IL7R: variants seen among roughly 807,000 people sequenced by gnomAD.
IL7R encodes interleukin 7 receptor, also known as interleukin-7 receptor subunit alpha.
In IL7R, 38 loss-of-function variants were observed where a neutral mutation model predicts 47.0. That is an observed-to-expected ratio of 0.81 (90% CI 0.62 to 1.06). IL7R has a LOEUF of 1.06. IL7R is among the 50% of genes least tolerant of loss of function. The pLI is 0.00. For missense variants in IL7R, 633 were observed against 534.8 expected (o/e 1.18, Z -1.81); for synonymous variants, 221 against 199.8 (o/e 1.11, Z -0.89).
intron 5 of IL7R, 29 bp downstream of exon 5, chr5:35,873,677 C>T: frequency 6.2e-7 from 1 of 1,604,476 alleles, no homozygotes; most frequent in Non-Finnish European, 8.5e-7. Flanking sequence ...GTTTTTGTTC[C>T]CTCAGAGTGC....
chr5:35,868,703 G>A (rs557484673), intron 3 of IL7R, among the ~76,000 whole-genome samples: 2 of 152,330 alleles, frequency 1.3e-5, no homozygotes, highest in East Asian at 3.9e-4. Flanking sequence ...TTCTCTGAGA[G>A]TGAGCAGAGA....
chr5:35,860,630 C>A (rs1375110950), intron 1 of IL7R, among the ~76,000 whole-genome samples: 1 of 151,850 alleles, frequency 6.6e-6, no homozygotes, highest in Non-Finnish European at 1.5e-5. Flanking sequence ...TATTGGAAAA[C>A]TCTGTTAGCA....
At chr5:35,874,631 A>G in intron 6 of IL7R, 89 bp downstream of exon 6, 1 of 964,448 alleles carries the variant, frequency 1.0e-6, no homozygotes, top group Non-Finnish European at 1.7e-6. Flanking sequence ...GAAAACCACA[A>G]AGGGGATTAA....
At chr5:35,875,004 A>G (rs1416734408) in intron 6 of IL7R, among the ~76,000 whole-genome samples, 1 of 151,760 alleles carries the variant, frequency 6.6e-6, no homozygotes, top group Non-Finnish European at 1.5e-5. Context: ...AGAAGGCTAC[A>G]TATCCCCAGG....
intron 2 of IL7R, among the ~76,000 whole-genome samples, chr5:35,866,434 A>C (rs1759941068): frequency 6.6e-6 from 1 of 152,156 alleles, no homozygotes; most frequent in Non-Finnish European, 1.5e-5. Flanking sequence ...GAGAAGGGTC[A>C]TTCCTCTTCC....
Position 35,877,551 on chromosome 5 carries a change from A to T in IL7R, c.*1065A>T. ...GAGGAAACTGTCGCTGACCCTGGAC[A>T]TGGGTACGTTTGACGAGTGAGAGGA... On this transcript the variant is annotated 3_prime_UTR_variant, in exon 8 of 8. Coordinates refer to ENST00000303115, the MANE Select transcript of IL7R (RefSeq NM_002185.5). 1 of 233,224 alleles carries T rather than the reference A, an allele frequency of 4.3e-6. No homozygotes were observed. Among genetic ancestry groups the T allele is most frequent in the Non-Finnish European group, 8.5e-6 (1 of 118,016 alleles). The allele number at this position is 233,224 out of a possible 1,614,324, so 14.4% of individuals were successfully genotyped here.
At chr5:35,869,924 C>T (rs921134628) in intron 3 of IL7R, among the ~76,000 whole-genome samples, 1 of 152,144 alleles carries the variant, frequency 6.6e-6, no homozygotes, top group Non-Finnish European at 1.5e-5. Flanking sequence ...GCAGCAGAAA[C>T]AGGCAGTCAC....
rs1759969389 is a variant in IL7R, at chr5:35,867,463, G to A, written c.379G>A (p.Val127Ile). Reference sequence around the variant, plus strand: ...CAAAAAAATAGACCTAACCACTATAGGTAAGAAGTTGTATATAAAAGTATG... The same window carrying A: ...CAAAAAAATAGACCTAACCACTATAAGTAAGAAGTTGTATATAAAAGTATG... ...TCKKIDLTTI[V>I]KPEAPFDLSV... Residue 127 changes from valine (V) to isoleucine (I), a missense_variant and splice_region_variant, in exon 3 of 8, where the codon GTT becomes ATT. Physicochemically the swap from Val to Ile is conservative, Grantham distance 29 (BLOSUM62 3). Transcript: ENST00000303115. The A allele has an allele frequency of 1.9e-6, 3 of 1,611,540 alleles. No homozygotes were observed. The highest frequency in any genetic ancestry group is 2.2e-5 in the East Asian group (1 of 44,860).
At chr5:35,870,321 A>G (rs1760037720) in intron 3 of IL7R, among the ~76,000 whole-genome samples, 1 of 152,240 alleles carries the variant, frequency 6.6e-6, no homozygotes. Flanking sequence ...CAGTAGGGAG[A>G]GGCCCAAGAG....
At chr5:35,871,496 A>T (rs999829479) in intron 4 of IL7R, among the ~76,000 whole-genome samples, 5 of 152,164 alleles carry the variant, frequency 3.3e-5, no homozygotes, top group Non-Finnish European at 7.4e-5. Context: ...AATCCTCTGT[A>T]TTCAGGGGCC....
Position 35,867,367 on chromosome 5 carries a change from GA to G in IL7R, c.284del (p.Glu95GlyfsTer7). 6.2e-7 allele frequency: 1 copy of G among 1,613,436 alleles called. No homozygotes were observed. Among genetic ancestry groups the G allele is most frequent in the Non-Finnish European group, 8.5e-7 (1 of 1,179,492 alleles). Reference sequence around the variant, plus strand: ...GAAACTACAAGAGATATATTTCATCGAGACAAAGAAATTCTTACTGATTGGA... The same window carrying G: ...GAAACTACAAGAGATATATTTCATCGGACAAAGAAATTCTTACTGATTGGA... ...FRKLQEIYFI[E>X]TKKFLLIGKS... On this transcript the variant is annotated frameshift_variant, in exon 3 of 8. Coordinates refer to ENST00000303115, the MANE Select transcript of IL7R (RefSeq NM_002185.5). LOFTEE classifies it high-confidence loss of function.
Position 35,877,055 on chromosome 5 carries a change from G to A in IL7R, c.*569G>A. 4.2e-6 allele frequency: 1 copy of A among 236,810 alleles called. No individual in the cohort carries two copies. Among genetic ancestry groups the A allele is most frequent in the Non-Finnish European group, 8.3e-6 (1 of 120,444 alleles). 14.7% of individuals were successfully genotyped at this position (236,810 alleles called of 1,614,324 possible). ...TGAAGGGAGGGGCCAAGATATGATGGCTGGGAGTCTAATTGCAGTTCCCTG... is the reference window on the plus strand; with the variant it reads ...TGAAGGGAGGGGCCAAGATATGATGACTGGGAGTCTAATTGCAGTTCCCTG... On this transcript the variant is annotated 3_prime_UTR_variant, in exon 8 of 8. Transcript: ENST00000303115.
chr5:35,871,357 C>T, intron 4 of IL7R, 144 bp downstream of exon 4: 2 of 660,602 alleles, frequency 3.0e-6, no homozygotes, highest in South Asian at 3.6e-5. Context: ...CAATATTGGC[C>T]CCATGAAAAC....
At chr5:35,866,305 T>C (rs1759937852) in intron 2 of IL7R, among the ~76,000 whole-genome samples, 1 of 152,170 alleles carries the variant, frequency 6.6e-6, no homozygotes, top group South Asian at 2.1e-4. Context: ...AGTGTGTTAG[T>C]ATTTTCTTGT....
At position 35,876,087 on chromosome 5, in the gene IL7R, G is replaced by A. The variant is rs200211847; in HGVS notation, c.981G>A (p.Thr327=). ...RDEVEGFLQD[T]FPQQLEESEK... is the part of the protein sequence containing the mutation. ...AAGTGGAAGGTTTTCTGCAAGATAC[G>A]TTTCCTCAGCAACTAGAAGAATCTG... is the stretch of plus-strand genomic sequence containing the variant. The change falls in exon 8 of 8, where the codon ACG becomes ACA. Residue 327 remains threonine, a synonymous_variant. Coordinates refer to ENST00000303115, the MANE Select transcript of IL7R (RefSeq NM_002185.5). The A allele has an allele frequency of 9.3e-6, 15 of 1,614,184 alleles. No homozygotes were observed. The highest frequency in any genetic ancestry group is 4.4e-5 in the South Asian group (4 of 91,076).
rs767845824 is a variant in IL7R, at chr5:35,875,426, G to A, written c.801-86G>A. 8.2e-5 allele frequency: 79 copies of A among 958,628 alleles called. No individual in the cohort carries two copies. The African/African-American group carries it at 1.2e-3, about 14-fold the overall frequency. 59.4% of individuals were successfully genotyped at this position (958,628 alleles called of 1,614,324 possible). ...GCCAAGACTAGAAATCTGTTCTTCT[G>A]ATTCCAAGCTCAGAATAAGTGGGAA... On this transcript the variant is annotated intron_variant, in intron 6 of 7. Transcript: ENST00000303115.
intron 1 of IL7R, among the ~76,000 whole-genome samples, chr5:35,858,883 G>A (rs1759728566): frequency 6.6e-6 from 1 of 152,154 alleles, no homozygotes; most frequent in Non-Finnish European, 1.5e-5. Flanking sequence ...GAGGACCACA[G>A]GTAGAGTATC....
intron 2 of IL7R, 66 bp from the exon 3 acceptor site, chr5:35,867,240 A>G: frequency 1.4e-6 from 2 of 1,400,384 alleles, no homozygotes; most frequent in South Asian, 2.3e-5. Flanking sequence ...TGTGCATATG[A>G]TACTATTCCA....
At chr5:35,866,497 T>C (rs2149898631) in intron 2 of IL7R, among the ~76,000 whole-genome samples, 1 of 152,260 alleles carries the variant, frequency 6.6e-6, no homozygotes, top group African/African-American at 2.4e-5. Flanking sequence ...CTTATACATT[T>C]GATAGAATTT....
Sources: allele counts gnomAD v4.1 joint callset (sites outside exome capture counted in the v4.1 genomes callset), GRCh38; gene constraint gnomAD v4.1.1; transcripts MANE v1.5; gene names NCBI Gene and HGNC (gene_info 2026-07-23, HGNC 2026-07-21).